Variants in KCNIP4 observed in about 807,000 individuals in gnomAD.
The protein encoded by KCNIP4 is Kv channel-interacting protein 4.
Under a neutral mutation model 34.0 loss-of-function variants are expected in KCNIP4, and 12 were observed. The observed-to-expected ratio is 0.35, with a 90% CI of 0.23 to 0.57. The LOEUF is 0.57. Ranked by LOEUF, KCNIP4 falls within the 20% of genes least tolerant of loss-of-function variation. The probability of loss-of-function intolerance (pLI) is 0.83; values close to 1 mark genes in which losing one functional copy is unlikely to be tolerated. For synonymous variants in KCNIP4, 124 were observed against 102.2 expected (o/e 1.21, Z -1.29); for missense variants, 238 against 311.7 (o/e 0.76, Z 1.78).
intron 1 of KCNIP4, among the ~76,000 whole-genome samples, chr4:20,987,911 G>A (rs1000963904): frequency 2.7e-5 from 4 of 146,712 alleles, no homozygotes; most frequent in Non-Finnish European, 5.9e-5. Flanking sequence ...TGAGGCAGGA[G>A]TACCTCGTGA....
At chr4:20,949,710 G>GACATGA (rs1732569289) in intron 1 of KCNIP4, among the ~76,000 whole-genome samples, 1 of 152,018 alleles carries the variant, frequency 6.6e-6, no homozygotes, top group Admixed American at 6.6e-5. Flanking sequence ...CCTTTGTAGG[G>GACATGA]ACATAGATGA....
intron 3 of KCNIP4, among the ~76,000 whole-genome samples, chr4:20,827,238 G>T (rs1460327619): frequency 6.6e-6 from 1 of 152,152 alleles, no homozygotes; most frequent in African/African-American, 2.4e-5. Flanking sequence ...TGCTAGGACT[G>T]CCATGACAAA....
intron 1 of KCNIP4, among the ~76,000 whole-genome samples, chr4:21,692,590 G>T (rs1711774822): frequency 6.6e-6 from 1 of 152,006 alleles, no homozygotes; most frequent in African/African-American, 2.4e-5. Context: ...AAGAGCAAAA[G>T]AAAACAGTGT....
At chr4:21,072,458 T>G (rs185565653) in intron 1 of KCNIP4, among the ~76,000 whole-genome samples, 172 of 152,268 alleles carry the variant, frequency 1.1e-3, no homozygotes, top group African/African-American at 4.0e-3. Flanking sequence ...GAAGTGTCTG[T>G]TCATATCCTT....
At chr4:21,291,795 A>C (rs1763480850) in intron 1 of KCNIP4, among the ~76,000 whole-genome samples, 1 of 150,006 alleles carries the variant, frequency 6.7e-6, no homozygotes, top group Non-Finnish European at 1.5e-5. Context: ...TGGAGGTTGC[A>C]GTGAGTCAAG....
At chr4:20,775,024 A>G (rs982295389) in intron 3 of KCNIP4, among the ~76,000 whole-genome samples, 4 of 152,208 alleles carry the variant, frequency 2.6e-5, no homozygotes, top group African/African-American at 9.7e-5. Context: ...TTACTCTACC[A>G]GAGTTGAATT....
At chr4:20,966,362 T>A (rs1224284249) in intron 1 of KCNIP4, among the ~76,000 whole-genome samples, 1 of 152,216 alleles carries the variant, frequency 6.6e-6, no homozygotes, top group African/African-American at 2.4e-5. Context: ...TGTTCAAATA[T>A]CTGTCTGGGG....
intron 1 of KCNIP4, among the ~76,000 whole-genome samples, chr4:20,989,176 A>G (rs1054237753): frequency 6.6e-6 from 1 of 152,200 alleles, no homozygotes; most frequent in Non-Finnish European, 1.5e-5. Flanking sequence ...AAACTCTATT[A>G]ATCTATTTTT....
Position 21,758,344 on chromosome 4 carries a change from G to A in KCNIP4, c.61+190227C>T, listed in dbSNP as rs74414359. On this transcript the variant is annotated intron_variant, in intron 1 of 8. Transcript: ENST00000382152. Reference sequence around the variant, plus strand: ...GTGAATAGAGTAACTGAAGATGTGTGTATGGTTTTGTGGGAGAGTGCATGT... The same window carrying A: ...GTGAATAGAGTAACTGAAGATGTGTATATGGTTTTGTGGGAGAGTGCATGT... 8.8e-3 allele frequency among the ~76,000 whole-genome samples: 1,337 copies of A among 152,326 alleles called. 19 individuals carry two copies. The highest frequency in any genetic ancestry group is 0.039 in the South Asian group (187 of 4,826).
chr4:20,951,036 G>T (rs149215595), intron 1 of KCNIP4, among the ~76,000 whole-genome samples: 1 of 152,162 alleles, frequency 6.6e-6, no homozygotes, highest in African/African-American at 2.4e-5. Context: ...GGTTAAATAA[G>T]GTCATAAGGT....
At chr4:21,564,207 A>G (rs1739667871) in intron 1 of KCNIP4, among the ~76,000 whole-genome samples, 1 of 152,116 alleles carries the variant, frequency 6.6e-6, no homozygotes, top group African/African-American at 2.4e-5. Flanking sequence ...ACATTTTTCC[A>G]TTGATGTCAT....
chr4:21,449,222 C>G (rs1482476045), intron 1 of KCNIP4, among the ~76,000 whole-genome samples: 2 of 152,116 alleles, frequency 1.3e-5, no homozygotes, highest in Non-Finnish European at 1.5e-5. Flanking sequence ...TTAAAATTGC[C>G]TGTGACTCTT....
At chr4:21,622,138 T>C (rs767720275) in intron 1 of KCNIP4, among the ~76,000 whole-genome samples, 8 of 152,214 alleles carry the variant, frequency 5.3e-5, no homozygotes, top group Non-Finnish European at 1.2e-4. Flanking sequence ...GAATCATTGG[T>C]ACCTTTCTGT....
At chr4:21,519,519 T>TGTGTGTATGTGTATGTGTATATACAC (rs1560479856) in intron 1 of KCNIP4, among the ~76,000 whole-genome samples, 3 of 62,134 alleles carry the variant, frequency 4.8e-5, no homozygotes, top group Non-Finnish European at 7.8e-5. Flanking sequence ...TATATACACA[T>TGTGTGTATGTGTATGTGTATATACAC]ATGTGTGTAT....
chr4:21,169,736 G>T (rs1345213225), intron 1 of KCNIP4, among the ~76,000 whole-genome samples: 1 of 149,292 alleles, frequency 6.7e-6, no homozygotes, highest in Non-Finnish European at 1.5e-5. Context: ...TTAGGCTTCT[G>T]ATATGAGAAC....
intron 3 of KCNIP4, among the ~76,000 whole-genome samples, chr4:20,833,871 T>G (rs1718729232): frequency 6.6e-6 from 1 of 152,194 alleles, no homozygotes; most frequent in Non-Finnish European, 1.5e-5. Flanking sequence ...GTTTGTAAAG[T>G]GTTTGAAGGC....
chr4:20,922,069 A>G (rs1489082026), intron 1 of KCNIP4, among the ~76,000 whole-genome samples: 1 of 152,244 alleles, frequency 6.6e-6, no homozygotes, highest in Admixed American at 6.5e-5. Flanking sequence ...AGTAGACTTG[A>G]ATGCAGGAGA....
At position 21,437,703 on chromosome 4, in the gene KCNIP4, C is replaced by T. The variant is rs187360490; in HGVS notation, c.61+510868G>A. ...TCTTCCAAAGTGGCTTAACTAAATA[C>T]GCAGTGATAGTGTTCCTAAGCCAGA... On this transcript the variant is annotated intron_variant, in intron 1 of 8. Coordinates refer to ENST00000382152, the MANE Select transcript of KCNIP4 (RefSeq NM_025221.6). Among the ~76,000 whole-genome samples, 75 of 152,238 alleles carry T rather than the reference C, an allele frequency of 4.9e-4. No homozygotes were observed. In the South Asian group the frequency reaches 5.2e-3, roughly 11 times the overall value.
chr4:20,921,280 C>G (rs1157637878), intron 1 of KCNIP4, among the ~76,000 whole-genome samples: 1 of 152,046 alleles, frequency 6.6e-6, no homozygotes, highest in Non-Finnish European at 1.5e-5. Flanking sequence ...GCAGTGAGAG[C>G]GTGGAGGATG....
Sources: gnomAD v4.1 joint callset for allele counts (sites outside exome capture counted in the v4.1 genomes callset) on GRCh38, gnomAD v4.1.1 for gene constraint, MANE v1.5 for transcripts, NCBI Gene and HGNC (gene_info 2026-07-23, HGNC 2026-07-21) for gene names.